Variants in MBD1 observed in about 807,000 individuals in gnomAD.
The protein encoded by MBD1 is methyl-CpG-binding domain protein 1.
A neutral mutation model predicts 82.6 loss-of-function variants in MBD1; 25 were observed. The observed-to-expected ratio is 0.30, with a 90% CI of 0.22 to 0.42. The LOEUF (loss-of-function observed/expected upper bound fraction) is 0.42. MBD1 is among the 10% of genes least tolerant of loss of function. The pLI is 1.00. For missense variants in MBD1, 627 were observed against 819.6 expected (o/e 0.76, Z 2.87); for synonymous variants, 301 against 303.7 (o/e 0.99, Z 0.09).
At chr18:50,272,644 C>T (rs751644334) in intron 15 of MBD1, 33 bp downstream of exon 15, 7 of 1,613,468 alleles carry the variant, frequency 4.3e-6, no homozygotes, top group Non-Finnish European at 5.1e-6. Flanking sequence ...CCAACACCCA[C>T]TCCTTCCCCA....
chr18:50,272,206 C>G (rs1366477042), intron 15 of MBD1, among the ~76,000 whole-genome samples: 1 of 152,208 alleles, frequency 6.6e-6, no homozygotes, highest in African/African-American at 2.4e-5. Context: ...GAACCCAGAT[C>G]TCCTGCCCAT....
intron 16 of MBD1, 197 bp downstream of exon 16, chr18:50,271,272 A>G: frequency 6.9e-7 from 1 of 1,442,886 alleles, no homozygotes; most frequent in South Asian, 1.5e-5. Flanking sequence ...GAGAAGATGC[A>G]CCAACTTTCT....
chr18:50,271,728 T>G (rs2035637201), intron 15 of MBD1, among the ~76,000 whole-genome samples, 188 bp from the exon 16 acceptor site: 1 of 152,220 alleles, frequency 6.6e-6, no homozygotes, highest in African/African-American at 2.4e-5. Context: ...ATAAGCTCCC[T>G]GAAGGTAGGT....
chr18:50,279,721 T>C (rs2039469060), intron 2 of MBD1, 162 bp downstream of exon 2: 2 of 943,480 alleles, frequency 2.1e-6, no homozygotes, highest in Non-Finnish European at 3.1e-6. Flanking sequence ...AAGTTACAAA[T>C]AAATTTTATT....
rs1488370302 is a variant in MBD1 at position 50,277,185 on chromosome 18, G to A, written c.130C>T (p.Arg44Ter). ...YYQSPTGDRI[R>*]SKVELTRYLG... ...TATCGAGTCAGCTCAACTTTGCTTC[G>A]GATCCTGTCTCCTGTGGGGCTAGGG... The change falls in exon 3 of 17, where the codon CGA (arginine) becomes TGA (stop). Residue 44 changes from arginine to a stop codon, truncating the protein, a stop_gained. Coordinates refer to ENST00000269468, the MANE Select transcript of MBD1 (RefSeq NM_015846.4). LOFTEE classifies it high-confidence loss of function. The A allele has an allele frequency of 6.2e-7, 1 of 1,613,890 alleles. No individual in the cohort carries two copies. The highest frequency in any genetic ancestry group is 8.5e-7 in the Non-Finnish European group (1 of 1,179,974).
chr18:50,275,083 G>A (rs760867938), intron 9 of MBD1, 38 bp from the exon 10 acceptor site: 20 of 1,613,382 alleles, frequency 1.2e-5, no homozygotes, highest in South Asian at 1.1e-4. Context: ...GGCAGGTACT[G>A]GGTAAGGTCA....
rs2045972133 is a variant in MBD1, at chr18:50,280,047, CTG to C, written c.-25-32_-25-31del. On this transcript the variant is annotated intron_variant, in intron 1 of 16. Coordinates refer to ENST00000269468, the MANE Select transcript of MBD1 (RefSeq NM_015846.4). ...AAGGGGGTGGAAGGGATGAGGGAAA[CTG>C]AGGCTCTAGGAAGGGACAACACTGT... 2.5e-6 allele frequency: 4 copies of C among 1,576,812 alleles called. No individual in the cohort carries two copies. In the African/African-American group the frequency reaches 4.0e-5, roughly 16 times the overall value.
chr18:50,276,180 T>TAGACACAGTGATGAA, intron 6 of MBD1, 198 bp downstream of exon 6: 1 of 819,452 alleles, frequency 1.2e-6, no homozygotes, highest in Non-Finnish European at 2.0e-6. Flanking sequence ...ACTTCATCAC[T>TAGACACAGTGATGAA]GTGTCTACTG....
chr18:50,274,517 G>A (rs1010635672), intron 10 of MBD1, among the ~76,000 whole-genome samples, 164 bp from the exon 11 acceptor site: 2 of 152,114 alleles, frequency 1.3e-5, no homozygotes, highest in Non-Finnish European at 2.9e-5. Flanking sequence ...CTCAGCATTC[G>A]CTAGTTCAAC....
chr18:50,274,488 G>C, intron 10 of MBD1, 135 bp from the exon 11 acceptor site: 1 of 915,760 alleles, frequency 1.1e-6, no homozygotes, highest in Non-Finnish European at 1.6e-6. Flanking sequence ...TCAGCCTCCT[G>C]ACTCCCCACT....
In MBD1 at chr18:50,276,829, C is replaced by A; in HGVS notation, c.392+3G>T. On this transcript the variant is annotated splice_donor_region_variant and intron_variant, in intron 4 of 16. Coordinates refer to ENST00000269468, the MANE Select transcript of MBD1 (RefSeq NM_015846.4). Reference sequence around the variant, plus strand: ...ATCTGGCTCACCTTAGACCAACACTCACCCAGGAGCAGGGAATGAAGCTGG... The same window carrying A: ...ATCTGGCTCACCTTAGACCAACACTAACCCAGGAGCAGGGAATGAAGCTGG... The A allele has an allele frequency of 6.2e-7, 1 of 1,614,222 alleles. No homozygotes were observed. Among genetic ancestry groups the A allele is most frequent in the Non-Finnish European group, 8.5e-7 (1 of 1,180,032 alleles).
chr18:50,272,656 C>T, intron 15 of MBD1, 21 bp downstream of exon 15: 1 of 1,613,352 alleles, frequency 6.2e-7, no homozygotes, highest in Non-Finnish European at 8.5e-7. Flanking sequence ...CCTTCCCCAC[C>T]CCTCACTGTG....
chr18:50,270,379 GGAGA>G (rs1266637641), intron 16 of MBD1: 3 of 555,154 alleles, frequency 5.4e-6, no homozygotes, highest in African/African-American at 3.7e-5. Context: ...TGAAGAATTG[GGAGA>G]GAGTGAGGTA....
intron 5 of MBD1, 94 bp downstream of exon 5, chr18:50,276,568 G>A: frequency 6.7e-7 from 1 of 1,482,386 alleles, no homozygotes; most frequent in Non-Finnish European, 9.4e-7. Context: ...AGTAGCCTCT[G>A]TCCTGACATC....
intron 16 of MBD1, 197 bp from the exon 17 acceptor site, chr18:50,270,015 A>G (rs1158806201): frequency 6.3e-7 from 1 of 1,598,104 alleles, no homozygotes; most frequent in East Asian, 2.2e-5. Flanking sequence ...ATGAGTCTAA[A>G]TGTCAATCAA....
At chr18:50,280,258 C>T (rs2039688268) in intron 1 of MBD1, among the ~76,000 whole-genome samples, 1 of 152,028 alleles carries the variant, frequency 6.6e-6, no homozygotes, top group Admixed American at 6.6e-5. Context: ...TCTCAGTGTC[C>T]TAATCCCCTA....
At position 50,269,700 on chromosome 18, in the gene MBD1, G is replaced by C; in HGVS notation, c.*151C>G. 1 of 780,072 alleles carries C rather than the reference G, an allele frequency of 1.3e-6. No individual in the cohort carries two copies. The highest frequency in any genetic ancestry group is 2.4e-6 in the Non-Finnish European group (1 of 417,684). The allele number at this position is 780,072 out of a possible 1,614,324, so 48.3% of individuals were successfully genotyped here. ...ATCATCGAAGCTGGAGGTGGTGAGA[G>C]ACTGACATGGGTTCCAGGCCATCCT... On this transcript the variant is annotated 3_prime_UTR_variant, in exon 17 of 17. Transcript: ENST00000269468.
Position 50,272,691 on chromosome 18 carries a change from T to G in MBD1, c.1764A>C (p.Ala588=), listed in dbSNP as rs1443387907. 1 of 1,614,226 alleles carries G rather than the reference T, an allele frequency of 6.2e-7. No homozygotes were observed. Among genetic ancestry groups the G allele is most frequent in the Non-Finnish European group, 8.5e-7 (1 of 1,180,032 alleles). ...GTGGGGCACACCTTGGCAACCAGACTGCTGTATCTCGGAAGCGGGTTCCAC... is the reference window on the plus strand; with the variant it reads ...GTGGGGCACACCTTGGCAACCAGACGGCTGTATCTCGGAAGCGGGTTCCAC... ...SLGGTRFRDT[A]VWLPRSKDLK... is the part of the protein sequence containing the mutation. The change falls in exon 15 of 17, where the codon GCA becomes GCC. Residue 588 remains alanine, a synonymous_variant. Coordinates refer to ENST00000269468, the MANE Select transcript of MBD1 (RefSeq NM_015846.4).
At chr18:50,273,952 A>C in intron 11 of MBD1, 89 bp from the exon 12 acceptor site, 1 of 1,523,510 alleles carries the variant, frequency 6.6e-7, no homozygotes, top group African/African-American at 1.4e-5. Context: ...CTAATCTCCC[A>C]TCAGTCCCAG....
Sources: allele counts gnomAD v4.1 joint callset (sites outside exome capture counted in the v4.1 genomes callset), GRCh38; gene constraint gnomAD v4.1.1; transcripts MANE v1.5; gene names NCBI Gene and HGNC (gene_info 2026-07-23, HGNC 2026-07-21).